SLC35E4: variants seen among roughly 807,000 people sequenced by gnomAD.
SLC35E4 encodes the protein solute carrier family 35 member E4, also known as solute carrier family 35, member E4.
In SLC35E4, 15 loss-of-function variants were observed where a neutral mutation model predicts 19.3. The ratio of observed to expected loss-of-function variants is 0.78; its 90% CI spans 0.52 to 1.20. The LOEUF (loss-of-function observed/expected upper bound fraction) is 1.20, where lower values mean the gene tolerates loss of function less well. SLC35E4 is among the 50% of genes most tolerant of loss of function. The pLI, the probability that SLC35E4 is intolerant of heterozygous loss-of-function variation, is 0.00. For synonymous variants in SLC35E4, 219 were observed against 219.9 expected (o/e 1.00, Z 0.04); for missense variants, 406 against 472.3 (o/e 0.86, Z 1.30).
Position 30,646,601 on chromosome 22 carries a change from C to T in SLC35E4, c.623C>T (p.Ala208Val). ...LRGLKSVQQS[A>V]LLQEERLDAV... The stretch of plus-strand genomic sequence containing the variant: ...CATGGCGGTTGTCCTGTTGCAGGTG[C>T]CCTGCTGCAGGAGGAGAGGCTGGAC... The change falls in exon 2 of 2, where the codon GCC (alanine) becomes GTC (valine). Residue 208 changes from alanine to valine, a missense_variant. Coordinates refer to ENST00000343605, the MANE Select transcript of SLC35E4 (RefSeq NM_001001479.4). 1 of 1,593,648 alleles carries T rather than the reference C, an allele frequency of 6.3e-7. No homozygotes were observed. Among genetic ancestry groups the T allele is most frequent in the Non-Finnish European group, 8.6e-7 (1 of 1,168,404 alleles).
At chr22:30,642,816 T>G (rs1187249752) in intron 1 of SLC35E4, among the ~76,000 whole-genome samples, 5 of 147,402 alleles carry the variant, frequency 3.4e-5, no homozygotes, top group African/African-American at 1.0e-4. Context: ...GATCATGAGG[T>G]CAGGAGATTG....
chr22:30,641,417 T>C (rs978967414), intron 1 of SLC35E4, among the ~76,000 whole-genome samples: 1 of 152,218 alleles, frequency 6.6e-6, no homozygotes, highest in African/African-American at 2.4e-5. Flanking sequence ...CCAAATGCCA[T>C]GTATGATCAC....
downstream of SLC35E4, chr22:30,666,904 T>G (rs2088692261): frequency 1.3e-5 from 2 of 152,200 alleles, no homozygotes; most frequent in Admixed American, 1.3e-4. Context: ...TAACTATTTT[T>G]CTCGCTTCTG....
chr22:30,663,304 T>A, downstream of SLC35E4: 1 of 871,832 alleles, frequency 1.1e-6, no homozygotes, highest in Non-Finnish European at 1.7e-6. Flanking sequence ...CAGCAACTCT[T>A]TTTTGTGCTC....
At chr22:30,648,970 A>C (rs2088173231), downstream of SLC35E4, among the ~76,000 whole-genome samples, 1 of 151,888 alleles carries the variant, frequency 6.6e-6, no homozygotes, top group Non-Finnish European at 1.5e-5. Flanking sequence ...GAGCTCCCTG[A>C]CTCGCCAGCT....
intron 2 of SLC35E4, among the ~76,000 whole-genome samples, chr22:30,659,202 C>T (rs1381226029): frequency 1.3e-5 from 2 of 150,838 alleles, no homozygotes; most frequent in Non-Finnish European, 2.9e-5. Flanking sequence ...AGATGAGGAT[C>T]GAACCGAAGA....
chr22:30,656,776 C>A (rs2088346397), intron 2 of SLC35E4, among the ~76,000 whole-genome samples: 1 of 152,122 alleles, frequency 6.6e-6, no homozygotes. Flanking sequence ...GATATGAACT[C>A]CTGGTCTCAT....
At chr22:30,664,050 C>T (rs1193600319), downstream of SLC35E4, 9 of 1,526,336 alleles carry the variant, frequency 5.9e-6, no homozygotes, top group Middle Eastern at 1.8e-4. Flanking sequence ...ACGAAGGCTG[C>T]GTCTTTCTGC....
At chr22:30,653,228 C>T (rs955335107) in intron 2 of SLC35E4, among the ~76,000 whole-genome samples, 2 of 152,164 alleles carry the variant, frequency 1.3e-5, no homozygotes, top group African/African-American at 2.4e-5. Flanking sequence ...GATGTTCTGA[C>T]GTTTCCAAGC....
intron 2 of SLC35E4, among the ~76,000 whole-genome samples, chr22:30,656,287 T>C (rs115242055): frequency 0.045 from 6,874 of 152,130 alleles, 342 homozygotes; most frequent in East Asian, 0.24. Context: ...TCTAAGGGCA[T>C]TTGGATTTAA....
intron 1 of SLC35E4, among the ~76,000 whole-genome samples, chr22:30,639,988 T>C (rs902617308): frequency 1.3e-5 from 2 of 152,180 alleles, no homozygotes; most frequent in Non-Finnish European, 2.9e-5. Context: ...CTTCACAATT[T>C]ATGTTCAGAG....
chr22:30,642,987 GCTA>G (rs1174224878), intron 1 of SLC35E4, among the ~76,000 whole-genome samples: 1 of 149,822 alleles, frequency 6.7e-6, no homozygotes, highest in Non-Finnish European at 1.5e-5. Context: ...CCCAGATAGC[GCTA>G]CTACACTCCA....
At position 30,637,035 on chromosome 22, in the gene SLC35E4, C is replaced by G. The variant is rs1272674974; in HGVS notation, c.585C>G (p.Ala195=). The change falls in exon 1 of 2, where the codon GCC becomes GCG. Residue 195 remains alanine (A), a synonymous_variant. Coordinates refer to ENST00000343605, the MANE Select transcript of SLC35E4 (RefSeq NM_001001479.4). ...CCGGCTGTGGCTTCCTGCTCGCAGC[C>G]ACCTGCCTCCGCGGACTCAAGTCGG... ...PPTGCGFLLA[A]TCLRGLKSVQ... 6.3e-7 allele frequency: 1 copy of G among 1,587,538 alleles called. No individual in the cohort carries two copies. The highest frequency in any genetic ancestry group is 8.6e-7 in the Non-Finnish European group (1 of 1,163,618).
At chr22:30,654,720 G>A (rs890705452) in intron 2 of SLC35E4, 9 of 338,466 alleles carry the variant, frequency 2.7e-5, no homozygotes, top group African/African-American at 8.6e-5. Context: ...CGCAGTGTAC[G>A]ACCACCACCT....
chr22:30,637,211 G>A (rs2087966813), intron 1 of SLC35E4, 142 bp downstream of exon 1: 1 of 1,281,222 alleles, frequency 7.8e-7, no homozygotes, highest in Non-Finnish European at 1.0e-6. Context: ...CAGAACTGAG[G>A]CTCAGAGAGG....
intron 2 of SLC35E4, among the ~76,000 whole-genome samples, chr22:30,656,090 C>G (rs1305419403): frequency 6.6e-6 from 1 of 152,038 alleles, no homozygotes; most frequent in Non-Finnish European, 1.5e-5. Context: ...CCTCCCACCT[C>G]AGCTTCCCAA....
At chr22:30,638,418 C>T (rs2087983314) in intron 1 of SLC35E4, among the ~76,000 whole-genome samples, 1 of 146,602 alleles carries the variant, frequency 6.8e-6, no homozygotes, top group East Asian at 2.0e-4. Context: ...AGGAGAATAG[C>T]TTGAACCCGG....
chr22:30,640,972 T>A (rs2088027107), intron 1 of SLC35E4, among the ~76,000 whole-genome samples: 2 of 152,180 alleles, frequency 1.3e-5, no homozygotes, highest in Admixed American at 6.5e-5. Context: ...AGAGGCCCTA[T>A]CTCTATCCTC....
At chr22:30,655,850 C>T (rs1356076485) in intron 2 of SLC35E4, among the ~76,000 whole-genome samples, 1 of 152,116 alleles carries the variant, frequency 6.6e-6, no homozygotes, top group Non-Finnish European at 1.5e-5. Flanking sequence ...GGATGAGAAT[C>T]CACACCTCTT....
Sources: allele counts gnomAD v4.1 joint callset (sites outside exome capture counted in the v4.1 genomes callset), GRCh38; gene constraint gnomAD v4.1.1; transcripts MANE v1.5; gene names NCBI Gene and HGNC (gene_info 2026-07-23, HGNC 2026-07-21).